PRKCE: variants seen among roughly 807,000 people sequenced by gnomAD.
PRKCE encodes protein kinase C epsilon type.
In PRKCE, 16 loss-of-function variants were observed where a neutral mutation model predicts 85.4. The observed-to-expected ratio is 0.19, with a 90% confidence interval of 0.13 to 0.28. PRKCE has a LOEUF of 0.28. Among genes scored for constraint, PRKCE ranks in the 10% least tolerant of loss-of-function variants. The probability of loss-of-function intolerance (pLI) is 1.00; values close to 1 mark genes in which losing one functional copy is unlikely to be tolerated. For missense variants in PRKCE, 573 were observed against 975.2 expected (o/e 0.59, Z 5.49); for synonymous variants, 388 against 371.5 (o/e 1.04, Z -0.51).
chr2:45,845,701 C>T (rs1194995145), intron 2 of PRKCE: 3 of 152,160 alleles, frequency 2.0e-5, no homozygotes, highest in Admixed American at 2.0e-4. Flanking sequence ...GCGTTTACGT[C>T]TGCTGGAGCT....
rs117263249 is a variant in PRKCE at position 45,912,893 on chromosome 2, A to G, written c.413-63536A>G. Among the ~76,000 whole-genome samples, 4 of 152,280 alleles carry G rather than the reference A, an allele frequency of 2.6e-5. No homozygotes were observed. The East Asian group carries it at 7.7e-4, about 29-fold the overall frequency. On this transcript the variant is annotated intron_variant, in intron 2 of 14. Transcript: ENST00000306156. The stretch of plus-strand genomic sequence containing the variant: ...CATCCAACCCACGCCAGAGCCCAGA[A>G]TGAAGTCCTGATGGAGTTCAAGCCC...
chr2:46,118,763 C>A (rs143343132), intron 11 of PRKCE, among the ~76,000 whole-genome samples: 3 of 152,260 alleles, frequency 2.0e-5, no homozygotes, highest in African/African-American at 4.8e-5. Flanking sequence ...ATGAAGATCC[C>A]TAGAGATGGA....
At chr2:46,146,585 G>A (rs1030224209) in intron 12 of PRKCE, among the ~76,000 whole-genome samples, 2 of 152,220 alleles carry the variant, frequency 1.3e-5, no homozygotes, top group African/African-American at 2.4e-5. Flanking sequence ...TTTGACGGAA[G>A]GGGTGGGGAG....
At chr2:45,681,226 T>C (rs1676867544) in intron 1 of PRKCE, among the ~76,000 whole-genome samples, 1 of 125,976 alleles carries the variant, frequency 7.9e-6, no homozygotes, top group Non-Finnish European at 1.6e-5. Flanking sequence ...GAGGCAGAGG[T>C]TGCAGTGAGC....
intron 10 of PRKCE, 64 bp downstream of exon 10, chr2:46,010,581 A>C (rs1432299283): frequency 6.3e-7 from 1 of 1,597,242 alleles, no homozygotes; most frequent in African/African-American, 1.3e-5. Flanking sequence ...ATAAAATACC[A>C]ATTTTAGACC....
chr2:45,862,228 A>G (rs72801061), intron 2 of PRKCE, among the ~76,000 whole-genome samples: 7,992 of 146,528 alleles, frequency 0.055, 260 homozygotes, highest in Middle Eastern at 0.12. Flanking sequence ...ACACACACAC[A>G]GTATTTCAAA....
chr2:46,074,429 C>CAAAAAAA (rs11287357), intron 10 of PRKCE, among the ~76,000 whole-genome samples: 19 of 93,832 alleles, frequency 2.0e-4, no homozygotes, highest in Admixed American at 2.4e-4. Context: ...CAACAACAAC[C>CAAAAAAA]AAAAAAAAAA....
At position 45,651,998 on chromosome 2, in the gene PRKCE, G is replaced by C; in HGVS notation, c.-103G>C. Reference sequence around the variant, plus strand: ...GGGAGTGTGCGGGGTGGGGCGAAAGGGGACCCAAGAGTCCCTGTGGCTCGG... The same window carrying C: ...GGGAGTGTGCGGGGTGGGGCGAAAGCGGACCCAAGAGTCCCTGTGGCTCGG... On this transcript the variant is annotated 5_prime_UTR_variant, in exon 1 of 15. Coordinates refer to ENST00000306156, the MANE Select transcript of PRKCE (RefSeq NM_005400.3). 1.1e-6 allele frequency: 1 copy of C among 925,304 alleles called. No individual in the cohort carries two copies. Among genetic ancestry groups the C allele is most frequent in the East Asian group, 2.5e-5 (1 of 40,748 alleles). 57.3% of individuals were successfully genotyped at this position (925,304 alleles called of 1,614,324 possible).
intron 6 of PRKCE, among the ~76,000 whole-genome samples, chr2:45,989,983 C>T (rs958985887): frequency 2.6e-5 from 4 of 152,166 alleles, no homozygotes; most frequent in Admixed American, 2.0e-4. Context: ...TTTTTGTGTG[C>T]CTTTGCTGCA....
At chr2:46,014,209 A>G (rs1705931069) in intron 10 of PRKCE, among the ~76,000 whole-genome samples, 1 of 152,238 alleles carries the variant, frequency 6.6e-6, no homozygotes, top group East Asian at 1.9e-4. Context: ...AATTCAAACC[A>G]GTGTGTCTTT....
At chr2:46,003,125 T>G (rs936770584) in intron 7 of PRKCE, among the ~76,000 whole-genome samples, 2 of 152,160 alleles carry the variant, frequency 1.3e-5, no homozygotes, top group African/African-American at 4.8e-5. Flanking sequence ...ATGCCAAAAT[T>G]GGGAAAAACC....
At chr2:46,009,902 G>T (rs12465869) in intron 9 of PRKCE, among the ~76,000 whole-genome samples, 40,236 of 152,182 alleles carry the variant, frequency 0.26, 5,514 homozygotes, top group African/African-American at 0.31. Flanking sequence ...TGTAAAAATA[G>T]TTGGTGTACT....
chr2:45,875,732 T>A (rs1053491716), intron 2 of PRKCE, among the ~76,000 whole-genome samples: 1 of 152,166 alleles, frequency 6.6e-6, no homozygotes, highest in African/African-American at 2.4e-5. Context: ...CTGGAAGTGT[T>A]CACACAAATG....
chr2:46,020,763 CAG>C (rs1265040142), intron 10 of PRKCE, among the ~76,000 whole-genome samples: 1 of 152,184 alleles, frequency 6.6e-6, no homozygotes, highest in Non-Finnish European at 1.5e-5. Flanking sequence ...TGGGAGATAA[CAG>C]GGACTGGGAA....
intron 10 of PRKCE, chr2:46,073,665 C>T (rs1574398960): frequency 6.6e-6 from 1 of 152,060 alleles, no homozygotes; most frequent in East Asian, 1.9e-4. Flanking sequence ...CAGGCTCTGT[C>T]CTGCTTCAAC....
chr2:45,984,147 A>G (rs1261825451), intron 5 of PRKCE, among the ~76,000 whole-genome samples: 2 of 152,018 alleles, frequency 1.3e-5, no homozygotes, highest in East Asian at 3.9e-4. Flanking sequence ...CATGTTGGCC[A>G]GGCTGGTCTC....
intron 14 of PRKCE, among the ~76,000 whole-genome samples, chr2:46,164,194 A>G (rs372397044): frequency 6.6e-6 from 1 of 152,228 alleles, no homozygotes. Context: ...CTGGATCACA[A>G]GCAGCCAGGG....
intron 2 of PRKCE, among the ~76,000 whole-genome samples, chr2:45,908,801 G>A (rs764992468): frequency 4.5e-4 from 68 of 152,178 alleles, no homozygotes; most frequent in Non-Finnish European, 8.7e-4. Context: ...CAGTTTCCCT[G>A]TGTGAGAAGG....
intron 2 of PRKCE, among the ~76,000 whole-genome samples, chr2:45,953,525 T>A (rs1438358229): frequency 6.6e-6 from 1 of 152,216 alleles, no homozygotes. Flanking sequence ...CCGTGGGCTG[T>A]GCCCTAAACT....
Sources: gnomAD v4.1 joint callset for allele counts (sites outside exome capture counted in the v4.1 genomes callset) on GRCh38, gnomAD v4.1.1 for gene constraint, MANE v1.5 for transcripts, NCBI Gene and HGNC (gene_info 2026-07-23, HGNC 2026-07-21) for gene names.